The following CDH13 variants were observed in gnomAD, a reference collection of about 807,000 sequenced individuals.
CDH13 encodes the protein cadherin-13.
A neutral mutation model predicts 63.8 loss-of-function variants in CDH13; 24 were observed. The observed-to-expected ratio is 0.38, with a 90% CI of 0.27 to 0.53. CDH13 has a LOEUF of 0.53. Ranked by LOEUF, CDH13 falls within the 20% of genes least tolerant of loss-of-function variation. The pLI, the probability that CDH13 is intolerant of heterozygous loss-of-function variation, is 0.85. For synonymous variants in CDH13, 503 were observed against 355.3 expected (o/e 1.42, Z -4.67); for missense variants, 1,049 against 903.1 (o/e 1.16, Z -2.07).
intron 5 of CDH13, among the ~76,000 whole-genome samples, chr16:83,235,326 C>T (rs572852173): frequency 4.6e-5 from 7 of 152,218 alleles, no homozygotes; most frequent in South Asian, 4.2e-4. Context: ...AGTGTCACTG[C>T]GGAGAAGCCC....
chr16:82,757,744 C>T (rs902509983), intron 1 of CDH13, among the ~76,000 whole-genome samples: 2 of 151,128 alleles, frequency 1.3e-5, no homozygotes, highest in Non-Finnish European at 2.9e-5. Flanking sequence ...CGGATTCAAG[C>T]GATTATCCTG....
chr16:82,777,208 A>G (rs1453230070), intron 1 of CDH13, among the ~76,000 whole-genome samples: 1 of 152,142 alleles, frequency 6.6e-6, no homozygotes, highest in Non-Finnish European at 1.5e-5. Context: ...GCCTCAAGCA[A>G]TCCTCTCGCC....
chr16:82,845,087 G>T (rs1287517348), intron 1 of CDH13, among the ~76,000 whole-genome samples: 1 of 152,122 alleles, frequency 6.6e-6, no homozygotes, highest in Admixed American at 6.5e-5. Flanking sequence ...TTCTTTGGGA[G>T]GTGATCCAGG....
intron 6 of CDH13, among the ~76,000 whole-genome samples, chr16:83,358,293 TCTC>T (rs1297070000): frequency 2.0e-5 from 3 of 152,128 alleles, no homozygotes; most frequent in African/African-American, 7.2e-5. Flanking sequence ...TACCCTGTAT[TCTC>T]CTCCTACCAC....
chr16:82,956,376 A>G (rs1018658807), intron 2 of CDH13, among the ~76,000 whole-genome samples: 1 of 151,872 alleles, frequency 6.6e-6, no homozygotes, highest in African/African-American at 2.4e-5. Flanking sequence ...TTCTGCTCCA[A>G]ATGGCAGCTG....
At chr16:83,393,055 C>A (rs80172937) in intron 6 of CDH13, among the ~76,000 whole-genome samples, 16,438 of 151,962 alleles carry the variant, frequency 0.11, 1,170 homozygotes, top group Non-Finnish European at 0.16. Context: ...AGAGACAGTT[C>A]CCTGCCAGAA....
intron 7 of CDH13, among the ~76,000 whole-genome samples, chr16:83,491,956 C>A (rs1031057698): frequency 6.6e-6 from 1 of 152,092 alleles, no homozygotes; most frequent in Non-Finnish European, 1.5e-5. Flanking sequence ...GATTTATGTG[C>A]ATTTACTTGC....
At chr16:83,235,172 T>G (rs1335202149) in intron 5 of CDH13, among the ~76,000 whole-genome samples, 1 of 152,080 alleles carries the variant, frequency 6.6e-6, no homozygotes, top group Non-Finnish European at 1.5e-5. Flanking sequence ...ATAACTGCAT[T>G]CCAGCCTGGG....
intron 1 of CDH13, among the ~76,000 whole-genome samples, chr16:82,834,124 A>T (rs2038663510): frequency 6.6e-6 from 1 of 152,232 alleles, no homozygotes; most frequent in South Asian, 2.1e-4. Flanking sequence ...AACCCTCAGC[A>T]TGAGAGGATT....
At chr16:83,311,752 T>C (rs764667055) in intron 5 of CDH13, among the ~76,000 whole-genome samples, 16 of 152,204 alleles carry the variant, frequency 1.1e-4, no homozygotes, top group South Asian at 2.1e-4. Flanking sequence ...TTATTCCAGC[T>C]TGGACAAATT....
At chr16:83,417,898 G>A (rs957575420) in intron 6 of CDH13, among the ~76,000 whole-genome samples, 18 of 152,122 alleles carry the variant, frequency 1.2e-4, no homozygotes, top group African/African-American at 4.1e-4. Flanking sequence ...GAGAGAGAGA[G>A]AAAGAGAAAT....
intron 1 of CDH13, among the ~76,000 whole-genome samples, chr16:82,722,514 T>C (rs769932619): frequency 3.9e-5 from 6 of 152,164 alleles, no homozygotes; most frequent in Non-Finnish European, 5.9e-5. Context: ...CTGTGCCAGA[T>C]GAACTGCTGG....
chr16:82,794,197 T>C (rs1772982160), intron 1 of CDH13, among the ~76,000 whole-genome samples: 1 of 151,210 alleles, frequency 6.6e-6, no homozygotes. Context: ...TTTTTTTTAG[T>C]TCATCAGCTG....
At chr16:83,168,173 T>C (rs6565148) in intron 4 of CDH13, among the ~76,000 whole-genome samples, 21,966 of 151,572 alleles carry the variant, frequency 0.14, 2,444 homozygotes, top group African/African-American at 0.3. Context: ...AACCTGCACT[T>C]GTACCCGCTG....
intron 6 of CDH13, among the ~76,000 whole-genome samples, chr16:83,428,551 A>T (rs2071988549): frequency 6.6e-6 from 1 of 152,228 alleles, no homozygotes; most frequent in Non-Finnish European, 1.5e-5. Context: ...TTTGTTAAAT[A>T]ACTTCCTGAA....
intron 6 of CDH13, 85 bp from the exon 7 acceptor site, chr16:83,486,392 C>T (rs755917601): frequency 1.2e-5 from 14 of 1,138,304 alleles, no homozygotes; most frequent in Non-Finnish European, 1.7e-5. Flanking sequence ...CACTGCTGCA[C>T]TGCTATTGCC....
chr16:83,589,287 C>CCT (rs60969915), intron 7 of CDH13, among the ~76,000 whole-genome samples: 3 of 118,938 alleles, frequency 2.5e-5, no homozygotes, highest in Non-Finnish European at 3.6e-5. Context: ...TTCCCCCCCC[C>CCT]GGACCCCTCT....
intron 8 of CDH13, among the ~76,000 whole-genome samples, chr16:83,651,507 C>G (rs1380356116): frequency 6.6e-6 from 1 of 150,740 alleles, no homozygotes; most frequent in African/African-American, 2.4e-5. Flanking sequence ...AATGACCTGC[C>G]AAAAGTCACA....
intron 7 of CDH13, among the ~76,000 whole-genome samples, chr16:83,602,097 AGAACAACAAC>A (rs372421205): frequency 0.13 from 9,329 of 69,714 alleles, 1,535 homozygotes; most frequent in African/African-American, 0.18. Context: ...AAAAAAAAAA[AGAACAACAAC>A]AAAAAAAAAA....
Sources: gnomAD v4.1 joint callset for allele counts (sites outside exome capture counted in the v4.1 genomes callset) on GRCh38, gnomAD v4.1.1 for gene constraint, MANE v1.5 for transcripts, NCBI Gene and HGNC (gene_info 2026-07-23, HGNC 2026-07-21) for gene names.